SIN3B: variants seen among roughly 807,000 people sequenced by gnomAD.
The protein encoded by SIN3B is paired amphipathic helix protein Sin3b.
SIN3B carries 19 observed loss-of-function variants against 120.2 expected under a neutral mutation model. That is an observed-to-expected ratio of 0.16 (90% CI 0.11 to 0.23). The LOEUF (loss-of-function observed/expected upper bound fraction) is 0.23, where lower values mean the gene tolerates loss of function less well. Among genes scored for constraint, SIN3B ranks in the 10% least tolerant of loss-of-function variants. SIN3B has a pLI of 1.00. For synonymous variants in SIN3B, 654 were observed against 653.2 expected (o/e 1.00, Z -0.02); for missense variants, 1,073 against 1,573.0 (o/e 0.68, Z 5.38).
intron 13 of SIN3B, among the ~76,000 whole-genome samples, chr19:16,870,635 C>T (rs2051498404): frequency 6.6e-6 from 1 of 152,124 alleles, no homozygotes; most frequent in Admixed American, 6.5e-5. Flanking sequence ...TCACTGCAGC[C>T]TCCGCCTCCC....
At chr19:16,838,073 A>G (rs1971370701) in intron 3 of SIN3B, among the ~76,000 whole-genome samples, 2 of 152,002 alleles carry the variant, frequency 1.3e-5, no homozygotes, top group Non-Finnish European at 2.9e-5. Context: ...GAAAAAGAAA[A>G]CTGGGCTTGT....
intron 12 of SIN3B, among the ~76,000 whole-genome samples, chr19:16,868,195 A>G (rs932320212): frequency 6.6e-6 from 1 of 152,182 alleles, no homozygotes; most frequent in African/African-American, 2.4e-5. Flanking sequence ...GGACTTAGGA[A>G]GCAGTCAGAG....
At chr19:16,859,044 T>C (rs2313234) in intron 8 of SIN3B, among the ~76,000 whole-genome samples, 20,189 of 151,984 alleles carry the variant, frequency 0.13, 1,525 homozygotes, top group East Asian at 0.27. Context: ...GTACCTACTT[T>C]GGAGGTTGAG....
chr19:16,876,971 A>G lies in SIN3B; in HGVS notation c.2859+393A>G, dbSNP rs1015202658. ...CACCTGGGCCCAGCTCCCAGTCACA[A>G]TTTTTGCGGGGACAGATGTTTCCTG... On this transcript the variant is annotated intron_variant, in intron 16 of 18. Transcript: ENST00000248054. This position sits in a 1 kb window ranked among gnomAD's most constrained non-coding sequence, Gnocchi z 7.1. The G allele has an allele frequency of 5.0e-6, 1 of 200,414 alleles. No homozygotes were observed. The highest frequency in any genetic ancestry group is 1.0e-5 in the Non-Finnish European group (1 of 99,022). The allele number at this position is 200,414 out of a possible 1,614,324, so 12.4% of individuals were successfully genotyped here.
At chr19:16,867,090 C>T (rs1216669279) in intron 12 of SIN3B, among the ~76,000 whole-genome samples, 4 of 152,178 alleles carry the variant, frequency 2.6e-5, no homozygotes, top group African/African-American at 9.7e-5. Context: ...TCCGTCCCTC[C>T]CGTGGGGCAG....
intron 3 of SIN3B, among the ~76,000 whole-genome samples, chr19:16,836,714 G>A (rs1055866410): frequency 5.9e-5 from 9 of 152,110 alleles, no homozygotes; most frequent in African/African-American, 1.4e-4. Context: ...CTCAGCTAGC[G>A]GGTCCTCTTC....
At position 16,865,567 on chromosome 19, in the gene SIN3B, G is replaced by A; in HGVS notation, c.1541G>A (p.Arg514His). 2 of 1,613,514 alleles carry A rather than the reference G, an allele frequency of 1.2e-6. No homozygotes were observed. Among genetic ancestry groups the A allele is most frequent in the Non-Finnish European group, 1.7e-6 (2 of 1,179,730 alleles). Residue 514 changes from arginine to histidine, a missense_variant, in exon 11 of 19, where the codon CGC becomes CAC. Physicochemically the swap from Arg to His is conservative, Grantham distance 29 (BLOSUM62 0). This residue lies in a region of SIN3B where 118 missense variants were observed against 281.6 expected (regional missense o/e 0.42). Coordinates refer to ENST00000248054, the MANE Select transcript of SIN3B (RefSeq NM_001297595.2). Reference protein sequence around the residue: ...SEVIQRRAIYRIYGDKAPEII... With the variant: ...SEVIQRRAIYHIYGDKAPEII... The stretch of plus-strand genomic sequence containing the variant: ...GTGATCCAGCGCCGTGCCATTTATC[G>A]CATCTATGGCGACAAGGCCCCGGAG...
At chr19:16,873,528 C>CT (rs572458807) in intron 14 of SIN3B, among the ~76,000 whole-genome samples, 203 of 151,068 alleles carry the variant, frequency 1.3e-3, no homozygotes, top group African/African-American at 4.6e-3. Flanking sequence ...CCCCTCCCCC[C>CT]CCCCCCAGGC....
chr19:16,873,469 A>G lies in SIN3B; in HGVS notation c.2592+2071A>G, dbSNP rs2608721. On this transcript the variant is annotated intron_variant, in intron 14 of 18. Transcript: ENST00000248054. Reference sequence around the variant, plus strand: ...AGAGAGGACACCCAGGGCCCAGCACATGGTGTTGGGGAAGTGACGCAGGGG... The same window carrying G: ...AGAGAGGACACCCAGGGCCCAGCACGTGGTGTTGGGGAAGTGACGCAGGGG... 6.9e-3 allele frequency among the ~76,000 whole-genome samples: 1,046 copies of G among 151,740 alleles called. 13 individuals are homozygous for G. The highest frequency in any genetic ancestry group is 0.024 in the African/African-American group (989 of 41,364).
At chr19:16,871,717 C>G (rs2051514173) in intron 14 of SIN3B, 1 of 294,436 alleles carries the variant, frequency 3.4e-6, no homozygotes, top group African/African-American at 2.2e-5. Flanking sequence ...CAGTCAACTG[C>G]TTTCTGCCTC....
chr19:16,872,232 C>T (rs1306844916), intron 14 of SIN3B, among the ~76,000 whole-genome samples: 1 of 152,016 alleles, frequency 6.6e-6, no homozygotes, highest in East Asian at 1.9e-4. Flanking sequence ...ACTCTCCCAC[C>T]CAGACACAGC....
chr19:16,866,283 C>G, intron 11 of SIN3B, 90 bp from the exon 12 acceptor site: 1 of 1,342,170 alleles, frequency 7.5e-7, no homozygotes, highest in Non-Finnish European at 1.0e-6. Flanking sequence ...GACCCCCAGT[C>G]AAGTCCCAGA....
At chr19:16,869,310 C>G in intron 12 of SIN3B, 150 bp from the exon 13 acceptor site, 3 of 1,014,038 alleles carry the variant, frequency 3.0e-6, no homozygotes, top group Non-Finnish European at 4.2e-6. Context: ...CCCCCAGGCC[C>G]TGCTGCCTCA....
chr19:16,841,663 G>C, intron 3 of SIN3B, 105 bp from the exon 4 acceptor site: 1 of 1,083,984 alleles, frequency 9.2e-7, no homozygotes, highest in Non-Finnish European at 1.4e-6. Context: ...GCTTGGCTCC[G>C]TGCTGAGTTT....
In SIN3B at chr19:16,875,970, T is replaced by C; in HGVS notation, c.2593-85T>C. On this transcript the variant is annotated intron_variant, in intron 14 of 18. Coordinates refer to ENST00000248054, the MANE Select transcript of SIN3B (RefSeq NM_001297595.2). ...TGCACTCTCCATCCTGATGTGTTTC[T>C]GGCCTTTGTCGACTTCCTCTGTGGG... 6.2e-6 allele frequency: 9 copies of C among 1,443,114 alleles called. No homozygotes were observed. In the South Asian group the frequency reaches 9.6e-5, roughly 15 times the overall value. 89.4% of individuals were successfully genotyped at this position (1,443,114 alleles called of 1,614,324 possible). A position where few individuals can be genotyped will look rare whatever the true frequency, so the allele number is the denominator to read the frequency against.
At chr19:16,836,152 C>T (rs1263260426) in intron 3 of SIN3B, among the ~76,000 whole-genome samples, 3 of 152,062 alleles carry the variant, frequency 2.0e-5, no homozygotes, top group East Asian at 1.9e-4. Flanking sequence ...GGCGAGGTGC[C>T]GTCCTGCACA....
chr19:16,858,597 C>T (rs543799905), intron 8 of SIN3B, among the ~76,000 whole-genome samples: 1 of 152,222 alleles, frequency 6.6e-6, no homozygotes, highest in Admixed American at 6.5e-5. Context: ...CGTGGTGGCT[C>T]ATGCCTATAA....
In SIN3B at chr19:16,853,094, A is replaced by G; in HGVS notation, c.875A>G (p.Lys292Arg). The G allele has an allele frequency of 6.2e-7, 1 of 1,614,154 alleles. No homozygotes were observed. Among genetic ancestry groups the G allele is most frequent in the Non-Finnish European group, 8.5e-7 (1 of 1,180,006 alleles). Residue 292 changes from lysine (K) to arginine (R), a missense_variant, in exon 7 of 19, where the codon AAA becomes AGA. Lys to Arg is a conservative substitution (Grantham distance 26). Around this residue, in one of 7 missense-constraint regions of SIN3B, gnomAD observed 395 missense variants for 528.0 expected, o/e 0.75. Coordinates refer to ENST00000248054, the MANE Select transcript of SIN3B (RefSeq NM_001297595.2). ...AKKKMKLRGT[K>R]DLSIAAVGKY... Reference sequence around the variant, plus strand: ...AAAAAAATGAAACTTCGTGGTACCAAAGACCTGTCCATCGCTGCAGTGGGG... The same window carrying G: ...AAAAAAATGAAACTTCGTGGTACCAGAGACCTGTCCATCGCTGCAGTGGGG...
Position 16,829,817 on chromosome 19 carries a change from C to G in SIN3B, c.147C>G (p.Asp49Glu). 6.2e-7 allele frequency: 1 copy of G among 1,613,498 alleles called. No homozygotes were observed. The highest frequency in any genetic ancestry group is 8.5e-7 in the Non-Finnish European group (1 of 1,179,592). The change falls in exon 2 of 19, where the codon GAC becomes GAG. Residue 49 changes from aspartate to glutamate, a missense_variant. Asp to Glu is a conservative substitution (Grantham distance 45, BLOSUM62 2). Around this residue, in one of 7 missense-constraint regions of SIN3B, gnomAD observed 395 missense variants for 528.0 expected, o/e 0.75. Coordinates refer to ENST00000248054, the MANE Select transcript of SIN3B (RefSeq NM_001297595.2). ...TAGAAGACGCCCTCACCTATCTGGA[C>G]CAGGTGAAGATCCGCTTTGGCAGCG... ...VHVEDALTYL[D>E]QVKIRFGSDP...
Sources: allele counts gnomAD v4.1 joint callset (sites outside exome capture counted in the v4.1 genomes callset), GRCh38; gene constraint gnomAD v4.1.1; regional missense constraint gnomAD v4.1.1; non-coding constraint Gnocchi (gnomAD v3.1); transcripts MANE v1.5; gene names NCBI Gene and HGNC (gene_info 2026-07-23, HGNC 2026-07-21).